The following ASTN1 variants were observed in gnomAD, a reference collection of about 807,000 sequenced individuals.
The protein encoded by ASTN1 is astrotactin 1.
In ASTN1, 41 loss-of-function variants were observed where a neutral mutation model predicts 140.7. The ratio of observed to expected loss-of-function variants is 0.29; its 90% CI spans 0.23 to 0.38. The LOEUF (loss-of-function observed/expected upper bound fraction) is 0.38, where lower values mean the gene tolerates loss of function less well. ASTN1 is among the 10% of genes least tolerant of loss of function. The pLI, the probability that ASTN1 is intolerant of heterozygous loss-of-function variation, is 1.00. For synonymous variants in ASTN1, 640 were observed against 652.2 expected (o/e 0.98, Z 0.29); for missense variants, 1,479 against 1,678.8 (o/e 0.88, Z 2.08).
chr1:177,097,137 A>G (rs1028909212), intron 1 of ASTN1, among the ~76,000 whole-genome samples: 3 of 152,168 alleles, frequency 2.0e-5, no homozygotes, highest in Non-Finnish European at 4.4e-5. Flanking sequence ...CCATACAGAG[A>G]TCTTAAGTGG....
intron 1 of ASTN1, among the ~76,000 whole-genome samples, chr1:177,070,767 G>A (rs909280327): frequency 6.6e-6 from 1 of 152,116 alleles, no homozygotes; most frequent in Non-Finnish European, 1.5e-5. Flanking sequence ...GGGTGGGAGT[G>A]GCAATTGAGT....
At chr1:177,080,351 G>A (rs1679122103) in intron 1 of ASTN1, among the ~76,000 whole-genome samples, 1 of 149,314 alleles carries the variant, frequency 6.7e-6, no homozygotes, top group African/African-American at 2.5e-5. Flanking sequence ...TTTGTCCACT[G>A]TTTGATTTTC....
Position 176,887,953 on chromosome 1 carries a change from G to T in ASTN1, c.3074+118C>A, listed in dbSNP as rs942308823. The T allele has an allele frequency of 2.2e-5, 31 of 1,397,320 alleles. 1 individual carries two copies. The South Asian group carries it at 4.3e-4, about 19-fold the overall frequency. The allele number at this position is 1,397,320 out of a possible 1,614,324, so 86.6% of individuals were successfully genotyped here. ...CTTGGTAGATTGAAAGCTCTCTAAA[G>T]GCAGGTATTGTGTCATATTTTTCTT... is the stretch of plus-strand genomic sequence containing the variant. On this transcript the variant is annotated intron_variant, in intron 18 of 22. Transcript: ENST00000361833.
intron 1 of ASTN1, among the ~76,000 whole-genome samples, chr1:177,112,892 G>T (rs1006558386): frequency 2.6e-5 from 4 of 152,054 alleles, no homozygotes; most frequent in Admixed American, 1.3e-4. Context: ...TTCTCCCTCT[G>T]CAATGACCTC....
At chr1:176,947,056 A>G (rs1671990133) in intron 12 of ASTN1, among the ~76,000 whole-genome samples, 1 of 152,236 alleles carries the variant, frequency 6.6e-6, no homozygotes, top group Non-Finnish European at 1.5e-5. Context: ...TTATAATAAG[A>G]TAAAGAACTC....
intron 1 of ASTN1, among the ~76,000 whole-genome samples, chr1:177,101,380 C>A (rs1265371295): frequency 6.6e-6 from 1 of 152,160 alleles, no homozygotes; most frequent in Non-Finnish European, 1.5e-5. Flanking sequence ...TGACAATGAA[C>A]AACCTACAGC....
chr1:176,910,655 A>G (rs1670195970), intron 16 of ASTN1, among the ~76,000 whole-genome samples: 1 of 152,204 alleles, frequency 6.6e-6, no homozygotes, highest in South Asian at 2.1e-4. Context: ...GTGTCTTCAC[A>G]CAAACCTAGA....
At chr1:177,056,957 T>A (rs1321725707) in intron 2 of ASTN1, among the ~76,000 whole-genome samples, 1 of 152,236 alleles carries the variant, frequency 6.6e-6, no homozygotes, top group East Asian at 1.9e-4. Flanking sequence ...GATTCTGCTT[T>A]CATTTGTTGA....
In ASTN1 at chr1:176,934,222, G is replaced by A; in HGVS notation, c.2601C>T (p.Ser867=). Residue 867 remains serine (S), a synonymous_variant, in exon 16 of 23, where the codon TCC becomes TCT. Coordinates refer to ENST00000361833, the MANE Select transcript of ASTN1 (RefSeq NM_004319.3). ...GCTTGTTTGGGTACCAGATAGAACA[G>A]GACTCCTCAAAGCCGTAGATAGCTT... ...IQEAIYGFEE[S]CSIWYPNKQV... The A allele has an allele frequency of 1.2e-6, 2 of 1,614,046 alleles. No individual in the cohort carries two copies. Among genetic ancestry groups the A allele is most frequent in the Non-Finnish European group, 1.7e-6 (2 of 1,179,974 alleles).
At chr1:176,888,667 C>G (rs1023767619) in intron 17 of ASTN1, among the ~76,000 whole-genome samples, 3 of 152,206 alleles carry the variant, frequency 2.0e-5, no homozygotes, top group Non-Finnish European at 4.4e-5. Flanking sequence ...CTTCAGCATG[C>G]TTTCTAACCT....
intron 3 of ASTN1, among the ~76,000 whole-genome samples, chr1:177,032,020 C>A (rs1357111418): frequency 3.3e-5 from 5 of 152,198 alleles, no homozygotes; most frequent in Non-Finnish European, 7.3e-5. Flanking sequence ...AGGCCCAATT[C>A]TCAGGAGTCA....
chr1:176,899,655 C>T (rs538383527), intron 16 of ASTN1, among the ~76,000 whole-genome samples: 2 of 152,244 alleles, frequency 1.3e-5, no homozygotes, highest in South Asian at 4.1e-4. Flanking sequence ...CTGAAGCCCA[C>T]CAAAACCCTG....
intron 1 of ASTN1, among the ~76,000 whole-genome samples, chr1:177,067,944 C>T (rs1678447094): frequency 6.6e-6 from 1 of 152,072 alleles, no homozygotes; most frequent in South Asian, 2.1e-4. Context: ...CCATAGGGAC[C>T]ATCTGGTACG....
chr1:176,975,403 C>A (rs532787466), intron 8 of ASTN1, among the ~76,000 whole-genome samples: 1 of 152,358 alleles, frequency 6.6e-6, no homozygotes, highest in East Asian at 1.9e-4. Context: ...ATTTCTCCCA[C>A]ACCTTGCTCT....
intron 1 of ASTN1, among the ~76,000 whole-genome samples, chr1:177,078,766 G>A (rs371636710): frequency 1.2e-4 from 18 of 152,002 alleles, no homozygotes; most frequent in African/African-American, 4.1e-4. Flanking sequence ...TAATGATGCT[G>A]GAAAGGACAT....
intron 1 of ASTN1, among the ~76,000 whole-genome samples, chr1:177,146,185 C>G (rs1048885071): frequency 1.3e-5 from 2 of 152,096 alleles, no homozygotes; most frequent in African/African-American, 4.8e-5. Context: ...TAAATACTGG[C>G]TTAATAGAAG....
At chr1:176,954,878 C>T (rs1311928616) in intron 11 of ASTN1, among the ~76,000 whole-genome samples, 2 of 152,132 alleles carry the variant, frequency 1.3e-5, no homozygotes, top group Non-Finnish European at 2.9e-5. Flanking sequence ...ACTATATGAA[C>T]AATAGGGCAA....
rs1680553422 is a variant in ASTN1, at chr1:177,106,590, C to A, written c.284-45325G>T. On this transcript the variant is annotated intron_variant, in intron 1 of 22. Transcript: ENST00000361833. The stretch of plus-strand genomic sequence containing the variant: ...GCTGCTTATAAATTTTGCTGAAAGT[C>A]CATTAAACAATAGGGCCAAAGATAT... 1.3e-5 allele frequency among the ~76,000 whole-genome samples: 2 copies of A among 152,090 alleles called. 1 individual carries two copies. The highest frequency in any genetic ancestry group is 4.8e-5 in the African/African-American group (2 of 41,408).
intron 20 of ASTN1, among the ~76,000 whole-genome samples, chr1:176,878,309 T>C (rs1213491241): frequency 6.6e-6 from 1 of 152,210 alleles, no homozygotes; most frequent in Non-Finnish European, 1.5e-5. Context: ...TTCACTGGCC[T>C]CTGCCTCATC....
Sources: allele counts gnomAD v4.1 joint callset (sites outside exome capture counted in the v4.1 genomes callset), GRCh38; gene constraint gnomAD v4.1.1; transcripts MANE v1.5; gene names NCBI Gene and HGNC (gene_info 2026-07-23, HGNC 2026-07-21).